Variants in FER1L6 observed in about 807,000 individuals in gnomAD.
FER1L6 encodes the protein fer-1 like family member 6.
In FER1L6, 177 loss-of-function variants were observed where a neutral mutation model predicts 219.2. The ratio of observed to expected loss-of-function variants is 0.81; its 90% CI spans 0.71 to 0.91. The LOEUF is 0.91. FER1L6 is among the 40% of genes least tolerant of loss of function. The pLI is 0.00. For missense variants in FER1L6, 2,153 were observed against 2,259.9 expected, an observed-to-expected ratio of 0.95 and a Z score of 0.96; for synonymous variants, 768 against 824.3, an observed-to-expected ratio of 0.93 and a Z score of 1.17.
intron 1 of FER1L6, among the ~76,000 whole-genome samples, chr8:123,886,087 CTG>C (rs968119487): frequency 1.2e-4 from 19 of 152,332 alleles, no homozygotes; most frequent in African/African-American, 4.6e-4. Context: ...ACCTAACACT[CTG>C]TACTTCCCTA....
rs565301549 is a variant in FER1L6, at chr8:124,097,072, G to GATATATATAT, written c.4696-185_4696-176dup. 2.5e-3 allele frequency among the ~76,000 whole-genome samples: 367 copies of GATATATATAT among 146,764 alleles called. 1 individual carries two copies. Among genetic ancestry groups the GATATATATAT allele is most frequent in the African/African-American group, 8.8e-3 (345 of 39,298 alleles). On this transcript the variant is annotated intron_variant, in intron 35 of 40. Coordinates refer to ENST00000522917, the MANE Select transcript of FER1L6 (RefSeq NM_001039112.2). Reference sequence around the variant, plus strand: ...CTTAATTTATGCTCTAATTCCTAAAGATATATATATATATATATATATACA... The same window carrying GATATATATAT: ...CTTAATTTATGCTCTAATTCCTAAAGATATATATATATATATATATATATATATATATACA...
At chr8:124,078,274 C>T (rs1288395151) in intron 32 of FER1L6, among the ~76,000 whole-genome samples, 1 of 152,138 alleles carries the variant, frequency 6.6e-6, no homozygotes, top group Non-Finnish European at 1.5e-5. Context: ...CCTATCTCCA[C>T]GTCATCTTGA....
In FER1L6 at chr8:123,958,244, G is replaced by C. The variant is rs112992029; in HGVS notation, c.76+2170G>C. Among the ~76,000 whole-genome samples, 663 of 152,316 alleles carry C rather than the reference G, an allele frequency of 4.4e-3. 5 individuals are homozygous for C. The highest frequency in any genetic ancestry group is 0.015 in the African/African-American group (625 of 41,566). On this transcript the variant is annotated intron_variant, in intron 2 of 40. Coordinates refer to ENST00000522917, the MANE Select transcript of FER1L6 (RefSeq NM_001039112.2). ...CCGAGGGGAGGACAGCTCTGTTCAG[G>C]ACTCTTCTGTTTGCCCCTCCGGATC...
intron 22 of FER1L6, among the ~76,000 whole-genome samples, chr8:124,058,399 T>C (rs1820405463): frequency 6.6e-6 from 1 of 152,260 alleles, no homozygotes; most frequent in African/African-American, 2.4e-5. Flanking sequence ...ATTTTGTCTT[T>C]ATAACAATCG....
chr8:123,895,763 C>T (rs1812731937), intron 1 of FER1L6, among the ~76,000 whole-genome samples: 2 of 152,122 alleles, frequency 1.3e-5, no homozygotes, highest in Admixed American at 6.5e-5. Context: ...TTCATCTCAC[C>T]CGTGAAATCA....
In FER1L6 at chr8:124,060,611, G is replaced by C; in HGVS notation, c.3049G>C (p.Ala1017Pro). 1 of 1,614,094 alleles carries C rather than the reference G, an allele frequency of 6.2e-7. No individual in the cohort carries two copies. The highest frequency in any genetic ancestry group is 1.1e-5 in the South Asian group (1 of 91,068). ...VQLLSVDRPQ[A>P]LIECGGQGVK... ...GCTCCTCTCTGTGGATCGGCCTCAGGCTCTCATTGAGTGCGGAGGACAAGG... is the reference window on the plus strand; with the variant it reads ...GCTCCTCTCTGTGGATCGGCCTCAGCCTCTCATTGAGTGCGGAGGACAAGG... Residue 1017 changes from alanine (A) to proline (P), a missense_variant, in exon 24 of 41, where the codon GCT becomes CCT. By Grantham distance (27) the Ala-to-Pro change is conservative (BLOSUM62 -1). Coordinates refer to ENST00000522917, the MANE Select transcript of FER1L6 (RefSeq NM_001039112.2).
intron 21 of FER1L6, among the ~76,000 whole-genome samples, chr8:124,048,187 C>T (rs1486369554): frequency 2.0e-5 from 3 of 152,238 alleles, no homozygotes; most frequent in Admixed American, 1.3e-4. Flanking sequence ...TTTCCTTCTA[C>T]AGCTGGGGTT....
At chr8:123,972,546 A>G (rs1815865326) in intron 6 of FER1L6, among the ~76,000 whole-genome samples, 2 of 152,068 alleles carry the variant, frequency 1.3e-5, no homozygotes, top group Non-Finnish European at 2.9e-5. Flanking sequence ...GCATAACTTG[A>G]TTATTTGCAG....
At chr8:124,072,946 G>C (rs1821138045) in intron 31 of FER1L6, among the ~76,000 whole-genome samples, 1 of 152,192 alleles carries the variant, frequency 6.6e-6, no homozygotes, top group African/African-American at 2.4e-5. Context: ...TCCTTCTCCA[G>C]GCTTTGAGAC....
chr8:124,070,998 T>G (rs1821045486), intron 30 of FER1L6, among the ~76,000 whole-genome samples: 1 of 152,204 alleles, frequency 6.6e-6, no homozygotes, highest in Non-Finnish European at 1.5e-5. Context: ...CAGCATTCAC[T>G]ATAAACATAC....
At chr8:123,913,782 A>G (rs763802680) in intron 1 of FER1L6, among the ~76,000 whole-genome samples, 5 of 152,200 alleles carry the variant, frequency 3.3e-5, no homozygotes, top group Non-Finnish European at 5.9e-5. Context: ...GTGATTAACA[A>G]AATGCAATTA....
chr8:123,959,549 T>G (rs1343679549), intron 2 of FER1L6, among the ~76,000 whole-genome samples: 1 of 152,240 alleles, frequency 6.6e-6, no homozygotes, highest in Non-Finnish European at 1.5e-5. Context: ...ATCCTCTCTG[T>G]AGCTACTGAG....
chr8:124,115,443 G>T (rs1203474387), intron 39 of FER1L6, among the ~76,000 whole-genome samples: 1 of 152,062 alleles, frequency 6.6e-6, no homozygotes, highest in Non-Finnish European at 1.5e-5. Context: ...TAGCAGGGTG[G>T]TGGAGCTGGC....
At position 124,064,562 on chromosome 8, in the gene FER1L6, G is replaced by A; in HGVS notation, c.3544G>A (p.Gly1182Arg). 6.2e-7 allele frequency: 1 copy of A among 1,610,286 alleles called. No individual in the cohort carries two copies. The highest frequency in any genetic ancestry group is 1.1e-5 in the South Asian group (1 of 90,248). ...TPVAQEPPKD[G>R]KPKDPRKPSR... ...TGTAGCCCAGGAGCCACCAAAAGAT[G>A]GAAAACCTAAGGTCAGACTAAAATC... The change falls in exon 26 of 41, where the codon GGA becomes AGA. Residue 1182 changes from glycine to arginine, a missense_variant. Physicochemically the swap from Gly to Arg is moderately radical, Grantham distance 125. Coordinates refer to ENST00000522917, the MANE Select transcript of FER1L6 (RefSeq NM_001039112.2).
At chr8:123,950,309 A>G (rs775322144) in intron 1 of FER1L6, among the ~76,000 whole-genome samples, 3 of 152,186 alleles carry the variant, frequency 2.0e-5, no homozygotes, top group Non-Finnish European at 4.4e-5. Flanking sequence ...CTCAGGCTGA[A>G]AAAGATCCCC....
chr8:123,920,151 G>A (rs1813316616), intron 1 of FER1L6, among the ~76,000 whole-genome samples: 1 of 152,208 alleles, frequency 6.6e-6, no homozygotes. Context: ...TTGTTCTTGA[G>A]GTTGACAGAC....
intron 8 of FER1L6, 40 bp downstream of exon 8, chr8:123,975,346 T>C (rs773684414): frequency 2.0e-6 from 3 of 1,523,618 alleles, no homozygotes; most frequent in Admixed American, 1.9e-5. Flanking sequence ...AGAAATGATA[T>C]GTCCAATTTT....
chr8:123,856,926 G>T (rs1816659811), intron 1 of FER1L6, among the ~76,000 whole-genome samples: 1 of 152,106 alleles, frequency 6.6e-6, no homozygotes, highest in Non-Finnish European at 1.5e-5. Flanking sequence ...CCACTGTGCT[G>T]ATGTTGGTAA....
rs766045146 is a variant in FER1L6, at chr8:123,976,096, T to C, written c.870+12T>C. ...TTGCTGGGCAGATGGTGAGGAACCA[T>C]TGTCACTAACACTGCCTGCTAGGCC... On this transcript the variant is annotated intron_variant, in intron 9 of 40. Transcript: ENST00000522917. 5 of 1,601,246 alleles carry C rather than the reference T, an allele frequency of 3.1e-6. No homozygotes were observed. In the South Asian group the frequency reaches 5.6e-5, roughly 18 times the overall value.
Sources: gnomAD v4.1 joint callset for allele counts (sites outside exome capture counted in the v4.1 genomes callset) on GRCh38, gnomAD v4.1.1 for gene constraint, MANE v1.5 for transcripts, NCBI Gene and HGNC (gene_info 2026-07-23, HGNC 2026-07-21) for gene names.